Variants in KDM4C observed in about 807,000 individuals in gnomAD.
The protein encoded by KDM4C is lysine-specific demethylase 4C.
A neutral mutation model predicts 129.3 loss-of-function variants in KDM4C; 81 were observed. The observed-to-expected ratio is 0.63, with a 90% CI of 0.52 to 0.75. KDM4C has a LOEUF of 0.75. Among genes scored for constraint, KDM4C ranks in the 30% least tolerant of loss-of-function variants. KDM4C has a pLI of 0.00. For missense variants in KDM4C, 1,457 were observed against 1,304.0 expected, an observed-to-expected ratio of 1.12 and a Z score of -1.81; for synonymous variants, 573 against 456.1, an observed-to-expected ratio of 1.26 and a Z score of -3.26.
chr9:6,805,058 G>A (rs998112848), intron 2 of KDM4C, among the ~76,000 whole-genome samples: 3 of 152,026 alleles, frequency 2.0e-5, no homozygotes, highest in East Asian at 2.0e-4. Flanking sequence ...GTGCCACCAC[G>A]CCCGGCTAAT....
chr9:6,792,329 C>G (rs936118085), intron 1 of KDM4C, among the ~76,000 whole-genome samples: 1 of 151,962 alleles, frequency 6.6e-6, no homozygotes, highest in South Asian at 2.1e-4. Context: ...GGCAATATAG[C>G]GAGACTGTCT....
intron 19 of KDM4C, among the ~76,000 whole-genome samples, chr9:7,148,162 C>T (rs1025051681): frequency 2.0e-5 from 3 of 152,186 alleles, no homozygotes; most frequent in African/African-American, 4.8e-5. Flanking sequence ...TATCAGCATC[C>T]GGACAAGGGG....
chr9:6,986,957 A>C, intron 11 of KDM4C: 1 of 296,656 alleles, frequency 3.4e-6, no homozygotes. Context: ...ACTCGTATGC[A>C]GTTGTGGGAA....
intron 4 of KDM4C, among the ~76,000 whole-genome samples, chr9:6,827,768 G>A (rs1220461421): frequency 6.6e-6 from 1 of 152,246 alleles, no homozygotes; most frequent in Non-Finnish European, 1.5e-5. Context: ...TTGACGCAGA[G>A]AGAGAGCTAT....
intron 17 of KDM4C, among the ~76,000 whole-genome samples, chr9:7,092,824 C>T (rs1350728244): frequency 6.6e-6 from 1 of 152,068 alleles, no homozygotes; most frequent in Admixed American, 6.6e-5. Context: ...TGTTCTTGCA[C>T]ACATCTGCTT....
In KDM4C at chr9:6,948,516, TGGGTGTTTCTCGCAGA is replaced by T. The variant is rs556736551; in HGVS notation, c.922-32405_922-32390del. On this transcript the variant is annotated intron_variant, in intron 8 of 21. Transcript: ENST00000381309. ...TTTTTTTTTTTTAATTGATCATTCT[TGGGTGTTTCTCGCAGA>T]GGGGGATTTGGCAGGGTCATAGGAC... 5.0e-3 allele frequency among the ~76,000 whole-genome samples: 755 copies of T among 150,522 alleles called. 15 individuals carry two copies. Among genetic ancestry groups the T allele is most frequent in the African/African-American group, 0.018 (735 of 40,962 alleles).
chr9:6,968,082 G>A lies in KDM4C; in HGVS notation c.922-12843G>A, dbSNP rs7867730. On this transcript the variant is annotated intron_variant, in intron 8 of 21. Coordinates refer to ENST00000381309, the MANE Select transcript of KDM4C (RefSeq NM_015061.6). ...GTAGATGTTTGCTATCACTATCAGC[G>A]TGAATTTTTAAAAATTATGATCTAT... Among the ~76,000 whole-genome samples the A allele has an allele frequency of 5.3e-3, 811 of 152,178 alleles. 3 individuals are homozygous for A. The highest frequency in any genetic ancestry group is 8.5e-3 in the Non-Finnish European group (579 of 68,012).
chr9:6,830,245 A>G (rs562643337), intron 4 of KDM4C, among the ~76,000 whole-genome samples: 203 of 152,352 alleles, frequency 1.3e-3, no homozygotes, highest in Non-Finnish European at 2.6e-3. Flanking sequence ...GTGTATAGAT[A>G]TATCTCCAAG....
At position 6,955,215 on chromosome 9, in the gene KDM4C, T is replaced by C. The variant is rs1828857858; in HGVS notation, c.922-25710T>C. Reference sequence around the variant, plus strand: ...TTCTTCTACTGTGGGGTGGTAGGAGTGGACAGAGTTTTAATAGTATCAGTT... The same window carrying C: ...TTCTTCTACTGTGGGGTGGTAGGAGCGGACAGAGTTTTAATAGTATCAGTT... On this transcript the variant is annotated intron_variant, in intron 8 of 21. Coordinates refer to ENST00000381309, the MANE Select transcript of KDM4C (RefSeq NM_015061.6). 2.0e-5 allele frequency among the ~76,000 whole-genome samples: 3 copies of C among 152,032 alleles called. No individual in the cohort carries two copies. The South Asian group carries it at 6.2e-4, about 32-fold the overall frequency.
intron 14 of KDM4C, chr9:7,014,245 G>T (rs1823230834): frequency 2.4e-6 from 1 of 420,270 alleles, no homozygotes; most frequent in Non-Finnish European, 4.2e-6. Flanking sequence ...GTTTGTTTGG[G>T]GTCCAGTTGA....
At chr9:6,914,790 C>G (rs1820006066) in intron 8 of KDM4C, among the ~76,000 whole-genome samples, 2 of 152,240 alleles carry the variant, frequency 1.3e-5, no homozygotes, top group South Asian at 4.1e-4. Flanking sequence ...GATACAGAAA[C>G]AAGGCACCAT....
chr9:7,077,120 A>T, intron 17 of KDM4C: 1 of 985,456 alleles, frequency 1.0e-6, no homozygotes, highest in Non-Finnish European at 1.2e-6. Context: ...CTATCGAAAC[A>T]GATGTGGACA....
chr9:6,883,093 C>CAATA (rs924990014), intron 6 of KDM4C, among the ~76,000 whole-genome samples: 60 of 152,220 alleles, frequency 3.9e-4, no homozygotes, highest in African/African-American at 1.4e-3. Context: ...AGAAGAGCAG[C>CAATA]AATAAATAAA....
intron 21 of KDM4C, chr9:7,170,929 A>C (rs1295690961): frequency 4.4e-6 from 1 of 226,300 alleles, no homozygotes; most frequent in East Asian, 1.9e-4. Flanking sequence ...AAAAAAAAAA[A>C]AAAAAAAAGC....
chr9:7,172,632 G>A (rs76461643), intron 21 of KDM4C, among the ~76,000 whole-genome samples: 18 of 152,206 alleles, frequency 1.2e-4, no homozygotes, highest in Admixed American at 1.2e-3. Flanking sequence ...GGTGGTATGT[G>A]GGGGAAGCCG....
At position 6,839,133 on chromosome 9, in the gene KDM4C, G is replaced by T. The variant is rs534703096; in HGVS notation, c.436-10374G>T. Among the ~76,000 whole-genome samples the T allele has an allele frequency of 6.0e-4, 91 of 152,320 alleles. 1 individual carries two copies. The highest frequency in any genetic ancestry group is 1.9e-3 in the African/African-American group (80 of 41,578). Reference sequence around the variant, plus strand: ...GCCAGCACAGTAGTGGAGTTTGGTGGATGGTCTTTTCTTTAAAGACAAAGT... The same window carrying T: ...GCCAGCACAGTAGTGGAGTTTGGTGTATGGTCTTTTCTTTAAAGACAAAGT... On this transcript the variant is annotated intron_variant, in intron 4 of 21. Transcript: ENST00000381309.
At position 6,916,385 on chromosome 9, in the gene KDM4C, T is replaced by G. The variant is rs114375710; in HGVS notation, c.921+23153T>G. Among the ~76,000 whole-genome samples the G allele has an allele frequency of 7.0e-3, 1,059 of 152,220 alleles. 11 individuals are homozygous for G. Among genetic ancestry groups the G allele is most frequent in the African/African-American group, 0.024 (1,003 of 41,540 alleles). ...TTTTTTTTGAAACAGGGTCTTGCTT[T>G]ATCACAAGGGCTCAAATGATCCTCC... On this transcript the variant is annotated intron_variant, in intron 8 of 21. Coordinates refer to ENST00000381309, the MANE Select transcript of KDM4C (RefSeq NM_015061.6).
chr9:6,944,945 G>C (rs1589241318), intron 8 of KDM4C, among the ~76,000 whole-genome samples: 1 of 152,118 alleles, frequency 6.6e-6, no homozygotes, highest in Non-Finnish European at 1.5e-5. Context: ...AGAGGTGTTG[G>C]GTTATTCCTG....
intron 4 of KDM4C, among the ~76,000 whole-genome samples, chr9:6,822,117 T>C (rs549194165): frequency 2.0e-5 from 3 of 152,202 alleles, no homozygotes; most frequent in Non-Finnish European, 4.4e-5. Flanking sequence ...TGGGTATATA[T>C]TGAAGAGCAG....
Sources: allele counts gnomAD v4.1 joint callset (sites outside exome capture counted in the v4.1 genomes callset), GRCh38; gene constraint gnomAD v4.1.1; transcripts MANE v1.5; gene names NCBI Gene and HGNC (gene_info 2026-07-23, HGNC 2026-07-21).